Variants in COP1 observed in about 807,000 individuals in gnomAD.
COP1 encodes COP1 E3 ubiquitin ligase.
Under a neutral mutation model 101.3 loss-of-function variants are expected in COP1, and 24 were observed. The ratio of observed to expected loss-of-function variants is 0.24; its 90% confidence interval spans 0.17 to 0.33. The LOEUF (loss-of-function observed/expected upper bound fraction) is 0.33. Among genes scored for constraint, COP1 ranks in the 10% least tolerant of loss-of-function variants. The probability of loss-of-function intolerance (pLI) is 1.00; values close to 1 mark genes in which losing one functional copy is unlikely to be tolerated. For synonymous variants in COP1, 347 were observed against 341.9 expected (o/e 1.01, Z -0.17); for missense variants, 663 against 906.2 (o/e 0.73, Z 3.45).
chr1:175,955,141 G>T (rs907827135), intron 18 of COP1, among the ~76,000 whole-genome samples: 2 of 152,092 alleles, frequency 1.3e-5, no homozygotes, highest in East Asian at 3.9e-4. Context: ...CAGCTACCCA[G>T]AAGGTTGAGG....
chr1:176,096,425 C>G (rs556862198), intron 9 of COP1, among the ~76,000 whole-genome samples: 1 of 152,222 alleles, frequency 6.6e-6, no homozygotes, highest in African/African-American at 2.4e-5. Context: ...ATGGCCATGT[C>G]TGCCACATGA....
chr1:176,125,477 G>C (rs1687851846), intron 8 of COP1, among the ~76,000 whole-genome samples: 1 of 152,098 alleles, frequency 6.6e-6, no homozygotes, highest in Non-Finnish European at 1.5e-5. Context: ...ATTTATTTAA[G>C]AGAATATCTT....
intron 15 of COP1, among the ~76,000 whole-genome samples, chr1:176,016,622 C>T (rs925881643): frequency 1.3e-5 from 2 of 151,994 alleles, no homozygotes; most frequent in African/African-American, 4.8e-5. Context: ...AAAATGCAGA[C>T]GGAACAGAGA....
At chr1:176,005,331 T>C (rs1332972680) in intron 15 of COP1, among the ~76,000 whole-genome samples, 1 of 152,088 alleles carries the variant, frequency 6.6e-6, no homozygotes, top group Non-Finnish European at 1.5e-5. Context: ...TTTTGTAGGG[T>C]TTTTTGTGTC....
In COP1 at chr1:176,169,085, TG is replaced by T. The variant is rs1353679517; in HGVS notation, c.566-5195del. Among the ~76,000 whole-genome samples, 13 of 152,266 alleles carry T rather than the reference TG, an allele frequency of 8.5e-5. No individual in the cohort carries two copies. In the East Asian group the frequency reaches 2.5e-3, roughly 29 times the overall value. On this transcript the variant is annotated intron_variant, in intron 3 of 19. Coordinates refer to ENST00000367669, the MANE Select transcript of COP1 (RefSeq NM_022457.7). ...AAAATTCAAAAGGAAGGCAAAGAAA[TG>T]AGTCATGTTGCTGTAAAAACGCCTT...
At chr1:176,060,410 G>T (rs1483831570) in intron 11 of COP1, among the ~76,000 whole-genome samples, 1 of 152,014 alleles carries the variant, frequency 6.6e-6, no homozygotes, top group Non-Finnish European at 1.5e-5. Flanking sequence ...AGCTGAAAAA[G>T]AAAATATATT....
At chr1:176,057,468 G>A (rs1188375190) in intron 11 of COP1, among the ~76,000 whole-genome samples, 1 of 152,170 alleles carries the variant, frequency 6.6e-6, no homozygotes, top group Admixed American at 6.5e-5. Context: ...CCGAGTGCCT[G>A]CGATTGCAGG....
In COP1 at chr1:176,072,246, G is replaced by A. The variant is rs576107368; in HGVS notation, c.1277+8906C>T. ...AATATTTTTCAACAAGCAAATATGT[G>A]GACATATATGGACAAATGCTAGAGT... is the stretch of plus-strand genomic sequence containing the variant. On this transcript the variant is annotated intron_variant, in intron 11 of 19. Transcript: ENST00000367669. Among the ~76,000 whole-genome samples the A allele has an allele frequency of 1.3e-3, 199 of 152,234 alleles. 2 individuals carry two copies. Among genetic ancestry groups the A allele is most frequent in the African/African-American group, 4.5e-3 (185 of 41,548 alleles).
chr1:176,080,574 G>A (rs1457012781), intron 11 of COP1, among the ~76,000 whole-genome samples: 2 of 152,116 alleles, frequency 1.3e-5, no homozygotes, highest in Admixed American at 6.6e-5. Context: ...AGGCATGAAA[G>A]AGGGAAAATC....
intron 14 of COP1, among the ~76,000 whole-genome samples, chr1:176,031,923 T>C (rs1668709047): frequency 1.3e-5 from 2 of 152,284 alleles, no homozygotes; most frequent in African/African-American, 2.4e-5. Flanking sequence ...TTTCCAAAAA[T>C]AGAGAACAAG....
At chr1:176,158,799 C>T (rs972691669) in intron 5 of COP1, among the ~76,000 whole-genome samples, 1 of 151,850 alleles carries the variant, frequency 6.6e-6, no homozygotes, top group African/African-American at 2.4e-5. Flanking sequence ...ACCGCCATAC[C>T]CAGCTAATTT....
rs370091759 is a variant in COP1 at position 176,163,858 on chromosome 1, A to G, written c.599T>C (p.Phe200Ser). 3.1e-6 allele frequency: 5 copies of G among 1,608,930 alleles called. No individual in the cohort carries two copies. Among genetic ancestry groups the G allele is most frequent in the African/African-American group, 2.7e-5 (2 of 74,826 alleles). ...NELILKQKQR[F>S]EEKRFKLDHS... Reference sequence around the variant, plus strand: ...GTCCAATTTGAACCTCTTTTCCTCAAATCTTTGCTTCTGTTTAAGAATGAG... The same window carrying G: ...GTCCAATTTGAACCTCTTTTCCTCAGATCTTTGCTTCTGTTTAAGAATGAG... The change falls in exon 4 of 20, where the codon TTT becomes TCT. Residue 200 changes from phenylalanine (F) to serine (S), a missense_variant. Phe to Ser is a radical substitution (Grantham distance 155). Coordinates refer to ENST00000367669, the MANE Select transcript of COP1 (RefSeq NM_022457.7).
At chr1:176,102,536 C>T (rs991709223) in intron 9 of COP1, among the ~76,000 whole-genome samples, 2 of 152,170 alleles carry the variant, frequency 1.3e-5, no homozygotes, top group Non-Finnish European at 1.5e-5. Context: ...CCAAGCTGTC[C>T]TTTTTCATTC....
chr1:176,072,522 A>T (rs938807429), intron 11 of COP1, among the ~76,000 whole-genome samples: 1 of 152,198 alleles, frequency 6.6e-6, no homozygotes, highest in African/African-American at 2.4e-5. Flanking sequence ...CCAACCCCAG[A>T]TGGTCAATAA....
intron 14 of COP1, among the ~76,000 whole-genome samples, chr1:176,027,948 G>A (rs1379712156): frequency 6.6e-6 from 1 of 150,990 alleles, no homozygotes; most frequent in Non-Finnish European, 1.5e-5. Flanking sequence ...ACACGGCTGA[G>A]GAGGACTCAC....
chr1:176,193,005 T>C (rs767908315), intron 1 of COP1, among the ~76,000 whole-genome samples: 6 of 152,208 alleles, frequency 3.9e-5, no homozygotes, highest in Non-Finnish European at 8.8e-5. Context: ...ATATTGCATA[T>C]ACCACTACAC....
At chr1:175,993,303 G>A (rs1323947945) in intron 15 of COP1, among the ~76,000 whole-genome samples, 5 of 152,154 alleles carry the variant, frequency 3.3e-5, no homozygotes, top group Admixed American at 6.5e-5. Flanking sequence ...AAAAAACAAA[G>A]CAGAAAAACT....
intron 15 of COP1, among the ~76,000 whole-genome samples, chr1:176,005,009 G>A (rs1174085922): frequency 6.6e-6 from 1 of 151,880 alleles, no homozygotes; most frequent in Non-Finnish European, 1.5e-5. Flanking sequence ...GTAAGCTATT[G>A]ATTCTTGCCA....
intron 5 of COP1, 139 bp downstream of exon 5, chr1:176,162,730 G>T: frequency 1.7e-6 from 1 of 573,538 alleles, no homozygotes; most frequent in Non-Finnish European, 2.8e-6. Context: ...TAGCAGAAGT[G>T]ACACTTTGTA....
Sources: gnomAD v4.1 joint callset for allele counts (sites outside exome capture counted in the v4.1 genomes callset) on GRCh38, gnomAD v4.1.1 for gene constraint, MANE v1.5 for transcripts, NCBI Gene and HGNC (gene_info 2026-07-23, HGNC 2026-07-21) for gene names.